The following ANO3 variants were observed in gnomAD, a reference collection of about 807,000 sequenced individuals.
ANO3 encodes anoctamin-3.
ANO3 carries 99 observed loss-of-function variants against 144.8 expected under a neutral mutation model. The ratio of observed to expected loss-of-function variants is 0.68; its 90% CI spans 0.58 to 0.81. The LOEUF (loss-of-function observed/expected upper bound fraction) is 0.81. Among genes scored for constraint, ANO3 ranks in the 30% least tolerant of loss-of-function variants. ANO3 has a pLI of 0.00. For missense variants in ANO3, 905 were observed against 1,202.2 expected (o/e 0.75, Z 3.66); for synonymous variants, 414 against 392.6 (o/e 1.05, Z -0.64).
chr11:26,376,970 G>T (rs1487700712), intron 1 of ANO3, among the ~76,000 whole-genome samples: 3 of 152,128 alleles, frequency 2.0e-5, no homozygotes, highest in Non-Finnish European at 4.4e-5. Context: ...AAGAGAATTT[G>T]TTTGTCTTGG....
Position 26,512,847 on chromosome 11 carries a change from T to C in ANO3, c.592-3980T>C, listed in dbSNP as rs1861719030. On this transcript the variant is annotated intron_variant, in intron 5 of 26. Transcript: ENST00000256737. ...GACACAGCACCCTCTTCCAGAATAGTCCAGGCTTATTTGCTTTCTTGTCTC... is the reference window on the plus strand; with the variant it reads ...GACACAGCACCCTCTTCCAGAATAGCCCAGGCTTATTTGCTTTCTTGTCTC... Among the ~76,000 whole-genome samples, 3 of 152,174 alleles carry C rather than the reference T, an allele frequency of 2.0e-5. No homozygotes were observed. The South Asian group carries it at 6.2e-4, about 31-fold the overall frequency.
intron 5 of ANO3, among the ~76,000 whole-genome samples, chr11:26,511,851 C>T (rs1202557560): frequency 1.3e-5 from 2 of 151,864 alleles, no homozygotes; most frequent in African/African-American, 4.8e-5. Context: ...CAGCATAGAT[C>T]AATTAAAGAT....
chr11:26,233,866 C>T (rs1852456471), intron 1 of ANO3, among the ~76,000 whole-genome samples: 1 of 152,150 alleles, frequency 6.6e-6, no homozygotes, highest in South Asian at 2.1e-4. Context: ...ACTGCATGTT[C>T]TCACTCATAA....
intron 1 of ANO3, among the ~76,000 whole-genome samples, chr11:26,400,200 G>A (rs1857113584): frequency 6.6e-6 from 1 of 152,024 alleles, no homozygotes; most frequent in African/African-American, 2.4e-5. Context: ...AATATGTGAG[G>A]TCATCAGGAG....
intron 1 of ANO3, among the ~76,000 whole-genome samples, chr11:26,368,959 A>G (rs903588158): frequency 2.0e-5 from 3 of 152,162 alleles, no homozygotes; most frequent in Non-Finnish European, 4.4e-5. Context: ...ACTATTCATT[A>G]TACTTTATGG....
At chr11:26,218,924 T>C (rs35567246) in intron 1 of ANO3, among the ~76,000 whole-genome samples, 45,763 of 151,878 alleles carry the variant, frequency 0.3, 7,582 homozygotes, top group Non-Finnish European at 0.37. Context: ...TGCCACAGGA[T>C]GAACAGTCAT....
chr11:26,312,939 T>C (rs751390979), intron 1 of ANO3, among the ~76,000 whole-genome samples: 14 of 152,232 alleles, frequency 9.2e-5, no homozygotes, highest in Non-Finnish European at 1.6e-4. Flanking sequence ...CATGTAAATA[T>C]ACTATTCCAT....
intron 17 of ANO3, among the ~76,000 whole-genome samples, chr11:26,610,204 C>G (rs1264764176): frequency 6.6e-6 from 1 of 152,180 alleles, no homozygotes; most frequent in Admixed American, 6.5e-5. Flanking sequence ...AGCCACCGCT[C>G]CCGGCCTACT....
At chr11:26,467,979 T>C (rs1343853413) in intron 4 of ANO3, among the ~76,000 whole-genome samples, 1 of 151,784 alleles carries the variant, frequency 6.6e-6, no homozygotes. Flanking sequence ...TGGGTAAATA[T>C]CGTCTTTTCT....
chr11:26,405,023 A>G (rs1413825930), intron 1 of ANO3, among the ~76,000 whole-genome samples: 1 of 149,372 alleles, frequency 6.7e-6, no homozygotes, highest in Non-Finnish European at 1.5e-5. Context: ...TTGTTATTTA[A>G]GGAAGTCATT....
intron 3 of ANO3, among the ~76,000 whole-genome samples, chr11:26,452,749 G>A (rs565677355): frequency 8.3e-4 from 126 of 151,692 alleles, no homozygotes; most frequent in African/African-American, 2.5e-3. Flanking sequence ...GATACTCCTC[G>A]AGAAGAGCAA....
intron 1 of ANO3, among the ~76,000 whole-genome samples, chr11:26,234,090 A>G (rs1382479501): frequency 6.6e-6 from 1 of 152,200 alleles, no homozygotes; most frequent in Admixed American, 6.5e-5. Flanking sequence ...CTGCACATGT[A>G]TCCCAGAACT....
intron 1 of ANO3, among the ~76,000 whole-genome samples, chr11:26,368,199 G>T (rs1039552765): frequency 6.6e-6 from 1 of 152,124 alleles, no homozygotes; most frequent in Admixed American, 6.5e-5. Context: ...ACAAGTCCTG[G>T]TGACAGAGAA....
intron 9 of ANO3, among the ~76,000 whole-genome samples, chr11:26,536,330 A>G (rs190660342): frequency 6.0e-4 from 91 of 151,996 alleles, no homozygotes; most frequent in African/African-American, 2.0e-3. Flanking sequence ...AAAAAAAAAA[A>G]AAAGAAAGAA....
At chr11:26,451,922 G>A (rs576241947) in intron 3 of ANO3, among the ~76,000 whole-genome samples, 19 of 152,210 alleles carry the variant, frequency 1.2e-4, no homozygotes, top group East Asian at 5.8e-4. Context: ...CAGCATTCGC[G>A]GTTCACGAAA....
chr11:26,471,802 T>G (rs978624765), intron 4 of ANO3, among the ~76,000 whole-genome samples: 1 of 151,982 alleles, frequency 6.6e-6, no homozygotes, highest in Non-Finnish European at 1.5e-5. Flanking sequence ...AAGTCGTATT[T>G]CATATATGAT....
chr11:26,655,863 G>C (rs937684809), intron 24 of ANO3, among the ~76,000 whole-genome samples: 7 of 152,020 alleles, frequency 4.6e-5, no homozygotes, highest in African/African-American at 1.5e-4. Flanking sequence ...AAAATATCTA[G>C]TGTGTAGTAA....
At chr11:26,302,495 AAAT>A (rs1457939524) in intron 1 of ANO3, among the ~76,000 whole-genome samples, 1 of 152,200 alleles carries the variant, frequency 6.6e-6, no homozygotes, top group Non-Finnish European at 1.5e-5. Flanking sequence ...CTCTGTCTCA[AAAT>A]AATAATGATA....
rs557756387 is a variant in ANO3 at position 26,384,060 on chromosome 11, G to A, written c.46+51739G>A. 2.1e-3 allele frequency among the ~76,000 whole-genome samples: 311 copies of A among 151,372 alleles called. 1 individual carries two copies. The highest frequency in any genetic ancestry group is 3.0e-3 in the Non-Finnish European group (204 of 67,866). On this transcript the variant is annotated intron_variant, in intron 1 of 26. Coordinates refer to ENST00000256737, the MANE Select transcript of ANO3 (RefSeq NM_031418.4). ...TTACAGGCGCGTGCCACCATAACCC[G>A]GCTAATTTTTGAATTTTTAGTAAAG... is the stretch of plus-strand genomic sequence containing the variant.
Sources: gnomAD v4.1 joint callset for allele counts (sites outside exome capture counted in the v4.1 genomes callset) on GRCh38, gnomAD v4.1.1 for gene constraint, MANE v1.5 for transcripts, NCBI Gene and HGNC (gene_info 2026-07-23, HGNC 2026-07-21) for gene names.